Variants in CECR2 observed in about 807,000 individuals in gnomAD.
CECR2 encodes CECR2 histone acetyl-lysine reader.
Under a neutral mutation model 154.5 loss-of-function variants are expected in CECR2, and 30 were observed. That is an observed-to-expected ratio of 0.19 (90% CI 0.15 to 0.26). The LOEUF (loss-of-function observed/expected upper bound fraction) is 0.26, where lower values mean the gene tolerates loss of function less well. Among genes scored for constraint, CECR2 ranks in the 10% least tolerant of loss-of-function variants. The pLI, the probability that CECR2 is intolerant of heterozygous loss-of-function variation, is 1.00. For missense variants in CECR2, 1,743 were observed against 1,829.3 expected (o/e 0.95, Z 0.86); for synonymous variants, 725 against 683.7 (o/e 1.06, Z -0.94).
intron 1 of CECR2, among the ~76,000 whole-genome samples, chr22:17,446,874 A>C (rs1264811410): frequency 2.0e-5 from 3 of 152,118 alleles, no homozygotes; most frequent in South Asian, 4.2e-4. Flanking sequence ...CCCCGCCCAC[A>C]TCCTGCTGAT....
intron 1 of CECR2, among the ~76,000 whole-genome samples, chr22:17,462,416 G>T (rs955656803): frequency 7.0e-6 from 1 of 143,828 alleles, no homozygotes; most frequent in Non-Finnish European, 1.6e-5. Context: ...GAAGGTGTAG[G>T]TTGAGGTCAT....
chr22:17,545,396 AAG>A (rs1391709130), intron 16 of CECR2, among the ~76,000 whole-genome samples: 1 of 151,230 alleles, frequency 6.6e-6, no homozygotes, highest in African/African-American at 2.4e-5. Flanking sequence ...AAAAAAAAAA[AAG>A]AAATGCCGTT....
chr22:17,368,033 G>C (rs2063011996), upstream of CECR2, among the ~76,000 whole-genome samples: 1 of 152,102 alleles, frequency 6.6e-6, no homozygotes, highest in African/African-American at 2.4e-5. Flanking sequence ...AGAGTGGTGG[G>C]GGGCGGAGGA....
At chr22:17,433,836 G>A (rs12160909) in intron 1 of CECR2, among the ~76,000 whole-genome samples, 12,135 of 152,128 alleles carry the variant, frequency 0.08, 1,034 homozygotes, top group African/African-American at 0.22. Context: ...TTCTTTTAGG[G>A]GGAGGTGATG....
At chr22:17,405,801 C>T (rs4239844) in intron 1 of CECR2, among the ~76,000 whole-genome samples, 82,606 of 151,982 alleles carry the variant, frequency 0.54, 23,652 homozygotes, top group Non-Finnish European at 0.64. Flanking sequence ...ATCATGTTGT[C>T]TGTAAATAAA....
chr22:17,525,300 A>AAAAAAAAG, intron 9 of CECR2, among the ~76,000 whole-genome samples: 1 of 145,294 alleles, frequency 6.9e-6, no homozygotes, highest in South Asian at 2.2e-4. Context: ...AAAAAAAAAA[A>AAAAAAAAG]AAAAAAAAAA....
In CECR2 at chr22:17,477,707, C is replaced by T. The variant is rs561781960; in HGVS notation, c.221+25C>T. 3.7e-5 allele frequency: 56 copies of T among 1,526,658 alleles called. No individual in the cohort carries two copies. In the Middle Eastern group the frequency reaches 1.9e-3, roughly 51 times the overall value. 94.6% of individuals were successfully genotyped at this position (1,526,658 alleles called of 1,614,324 possible). On this transcript the variant is annotated intron_variant, in intron 2 of 18. Coordinates refer to ENST00000262608, the MANE Select transcript of CECR2 (RefSeq NM_001290047.2). ...CGTGAGTAATTCTGATCTTTCTAAGCATTTCTTGCGCCAAGAACTAATTAA... is the reference window on the plus strand; with the variant it reads ...CGTGAGTAATTCTGATCTTTCTAAGTATTTCTTGCGCCAAGAACTAATTAA...
chr22:17,364,583 GTGC>G (rs1215001566), upstream of CECR2, among the ~76,000 whole-genome samples: 1 of 150,996 alleles, frequency 6.6e-6, no homozygotes, highest in Non-Finnish European at 1.5e-5. Context: ...GGATTACAAA[GTGC>G]TGTGATCCCA....
chr22:17,421,862 CAAAA>C (rs1183898354), intron 1 of CECR2, among the ~76,000 whole-genome samples: 1 of 131,144 alleles, frequency 7.6e-6, no homozygotes, highest in African/African-American at 3.0e-5. Context: ...AAAAAAAAAA[CAAAA>C]AAAACTTTTT....
chr22:17,548,496 G>A lies in CECR2; in HGVS notation c.3209G>A (p.Gly1070Asp). Residue 1070 changes from glycine to aspartate, a missense_variant, in exon 17 of 19, where the codon GGC becomes GAC. Physicochemically the swap from Gly to Asp is moderately conservative, Grantham distance 94. Around this residue, in one of 4 missense-constraint regions of CECR2, gnomAD observed 1,250 missense variants for 1,192.1 expected, o/e 1.05. Transcript: ENST00000262608. ...EASPCGSEGK[G>D]LGSSGSEKLL... ...TCTCCTTGTGGATCGGAGGGGAAGG[G>A]CCTTGGTAGCAGTGGTTCCGAAAAG... 6.2e-7 allele frequency: 1 copy of A among 1,613,896 alleles called. No homozygotes were observed. The highest frequency in any genetic ancestry group is 1.3e-5 in the African/African-American group (1 of 75,048).
chr22:17,450,928 TA>T lies in CECR2; in HGVS notation c.127-26659del, dbSNP rs1396145690. On this transcript the variant is annotated intron_variant, in intron 1 of 18. Coordinates refer to ENST00000262608, the MANE Select transcript of CECR2 (RefSeq NM_001290047.2). ...CATCCTCATCTCATACCTGGATTAT[TA>T]CAGTTCTCTACTCACTGGTCCCTCT... is the stretch of plus-strand genomic sequence containing the variant. Among the ~76,000 whole-genome samples the T allele has an allele frequency of 8.8e-3, 1,340 of 152,368 alleles. 7 individuals carry two copies. The highest frequency in any genetic ancestry group is 0.016 in the Non-Finnish European group (1,061 of 68,038).
intron 17 of CECR2, 105 bp from the exon 18 acceptor site, chr22:17,551,926 T>C: frequency 9.5e-7 from 1 of 1,055,932 alleles, no homozygotes; most frequent in Non-Finnish European, 1.4e-6. Flanking sequence ...CCAGGCCTGA[T>C]CACCGGGGTG....
Position 17,542,781 on chromosome 22 carries a change from A to G in CECR2, c.2638A>G (p.Met880Val), listed in dbSNP as rs2056549419. The change falls in exon 16 of 19, where the codon ATG becomes GTG. Residue 880 changes from methionine to valine, a missense_variant. Met to Val is a conservative substitution (Grantham distance 21). Coordinates refer to ENST00000262608, the MANE Select transcript of CECR2 (RefSeq NM_001290047.2). ...GGGGGTGCAGGGAGGGGACTCCATG[A>G]TGGACAGCCCAGAGATGATTGCGAT... Reference protein sequence around the residue: ...LRGVQGGDSMMDSPEMIAMQQ... With the variant: ...LRGVQGGDSMVDSPEMIAMQQ... 6.2e-7 allele frequency: 1 copy of G among 1,613,838 alleles called. No individual in the cohort carries two copies. Among genetic ancestry groups the G allele is most frequent in the Non-Finnish European group, 8.5e-7 (1 of 1,179,884 alleles).
Position 17,552,124 on chromosome 22 carries a change from A to G in CECR2, c.4371A>G (p.Pro1457=). ...SQEEVPPHKP[P]TLPLDQS The stretch of plus-strand genomic sequence containing the variant: ...AGGAGGTGCCGCCTCATAAGCCTCC[A>G]ACACTTCCCCTGGATCAGGTAAGGA... The change falls in exon 18 of 19, where the codon CCA becomes CCG. Residue 1457 remains proline (P), a synonymous_variant. Transcript: ENST00000262608. 6.2e-7 allele frequency: 1 copy of G among 1,613,922 alleles called. No homozygotes were observed.
chr22:17,467,795 G>C (rs1320052430), intron 1 of CECR2, among the ~76,000 whole-genome samples: 1 of 150,534 alleles, frequency 6.6e-6, no homozygotes, highest in Non-Finnish European at 1.5e-5. Context: ...AAAAAAGAAA[G>C]AAAGAGAGAG....
chr22:17,384,194 G>C (rs1249129027), intron 1 of CECR2, among the ~76,000 whole-genome samples: 1 of 152,096 alleles, frequency 6.6e-6, no homozygotes, highest in Non-Finnish European at 1.5e-5. Flanking sequence ...AATTTGCTTT[G>C]CCCAGATTCA....
intron 1 of CECR2, among the ~76,000 whole-genome samples, chr22:17,463,355 G>A (rs1254957776): frequency 6.7e-6 from 1 of 149,844 alleles, no homozygotes; most frequent in Non-Finnish European, 1.5e-5. Context: ...TCTGACTCAC[G>A]TTTCGAAGGC....
rs2056531214 is a variant in CECR2 at position 17,541,981 on chromosome 22, T to C, written c.2013+14T>C. On this transcript the variant is annotated intron_variant, in intron 15 of 18. Transcript: ENST00000262608. ...TTCACCATGCAGGTAAGCAGCCTAC[T>C]CTGGAGGTGCAGGTGCAGGGGGTCC... 3 of 1,608,156 alleles carry C rather than the reference T, an allele frequency of 1.9e-6. No individual in the cohort carries two copies. The highest frequency in any genetic ancestry group is 1.7e-5 in the Admixed American group (1 of 58,848).
intron 1 of CECR2, among the ~76,000 whole-genome samples, chr22:17,436,300 C>A (rs2054506198): frequency 6.6e-6 from 1 of 152,172 alleles, no homozygotes; most frequent in Non-Finnish European, 1.5e-5. Flanking sequence ...TTAAATTATG[C>A]CAACTACAGC....
Sources: gnomAD v4.1 joint callset for allele counts (sites outside exome capture counted in the v4.1 genomes callset) on GRCh38, gnomAD v4.1.1 for gene constraint, gnomAD v4.1.1 regional missense constraint, MANE v1.5 for transcripts, NCBI Gene and HGNC (gene_info 2026-07-23, HGNC 2026-07-21) for gene names.